Variants in CTTNBP2 observed in about 807,000 individuals in gnomAD.
CTTNBP2 encodes cortactin binding protein 2.
Under a neutral mutation model 156.9 loss-of-function variants are expected in CTTNBP2, and 108 were observed. The ratio of observed to expected loss-of-function variants is 0.69; its 90% CI spans 0.59 to 0.81. CTTNBP2 has a LOEUF of 0.81. Among genes scored for constraint, CTTNBP2 ranks in the 30% least tolerant of loss-of-function variants. The pLI, the probability that CTTNBP2 is intolerant of heterozygous loss-of-function variation, is 0.00. For missense variants in CTTNBP2, 1,924 were observed against 2,035.4 expected, an observed-to-expected ratio of 0.95 and a Z score of 1.05; for synonymous variants, 767 against 751.8, an observed-to-expected ratio of 1.02 and a Z score of -0.33.
intron 4 of CTTNBP2, chr7:117,786,237 T>C (rs1761210183): frequency 5.8e-6 from 1 of 173,780 alleles, no homozygotes; most frequent in Admixed American, 6.4e-5. Flanking sequence ...ATGAATAATT[T>C]ATTGTTTTTA....
At chr7:117,777,279 T>A (rs1225358006) in intron 8 of CTTNBP2, among the ~76,000 whole-genome samples, 1 of 152,246 alleles carries the variant, frequency 6.6e-6, no homozygotes, top group Non-Finnish European at 1.5e-5. Flanking sequence ...ATTGCCCTCA[T>A]ATTTCTTATT....
intron 11 of CTTNBP2, 95 bp from the exon 12 acceptor site, chr7:117,756,729 T>C: frequency 1.1e-6 from 1 of 890,598 alleles, no homozygotes. Context: ...ATGAATGTGT[T>C]TGTTGACTTA....
chr7:117,862,985 G>T (rs1237317268), intron 1 of CTTNBP2, among the ~76,000 whole-genome samples: 1 of 152,154 alleles, frequency 6.6e-6, no homozygotes, highest in African/African-American at 2.4e-5. Flanking sequence ...GATAAAAATG[G>T]TACCATCCTG....
intron 9 of CTTNBP2, among the ~76,000 whole-genome samples, chr7:117,764,988 T>G (rs1797405486): frequency 6.6e-6 from 1 of 152,166 alleles, no homozygotes; most frequent in African/African-American, 2.4e-5. Context: ...CAGGCTGGAG[T>G]GCAGTGGCGC....
intron 2 of CTTNBP2, 97 bp from the exon 3 acceptor site, chr7:117,811,086 T>A (rs1057038415): frequency 3.4e-5 from 30 of 884,040 alleles, no homozygotes; most frequent in Non-Finnish European, 5.2e-5. Context: ...CAAATGGTAT[T>A]CTCAACTGCT....
chr7:117,712,036 G>A (rs915517465), intron 22 of CTTNBP2, among the ~76,000 whole-genome samples: 1 of 152,126 alleles, frequency 6.6e-6, no homozygotes, highest in African/African-American at 2.4e-5. Context: ...CTAAGGCGTC[G>A]ATCTCCTTAC....
Position 117,791,214 on chromosome 7 carries a change from G to A in CTTNBP2, c.1982C>T (p.Thr661Ile). The change falls in exon 4 of 23, where the codon ACC (threonine) becomes ATC (isoleucine). Residue 661 changes from threonine (T) to isoleucine (I), a missense_variant. Thr to Ile is a moderately conservative substitution (Grantham distance 89). Coordinates refer to ENST00000160373, the MANE Select transcript of CTTNBP2 (RefSeq NM_033427.3). ...GTTTATGGAAGAGCAAAAGGCAATGGTGGTAGGAATGACAAGGGAACTGTC... is the reference window on the plus strand; with the variant it reads ...GTTTATGGAAGAGCAAAAGGCAATGATGGTAGGAATGACAAGGGAACTGTC... The part of the protein sequence containing the change: ...CSDSSLVIPT[T>I]IAFCSSINPV... 2.5e-6 allele frequency: 4 copies of A among 1,614,176 alleles called. No homozygotes were observed. The highest frequency in any genetic ancestry group is 2.5e-6 in the Non-Finnish European group (3 of 1,180,036).
At chr7:117,766,976 A>G (rs995453350) in intron 9 of CTTNBP2, 83 bp downstream of exon 9, 1 of 799,356 alleles carries the variant, frequency 1.3e-6, no homozygotes, top group Non-Finnish European at 2.2e-6. Context: ...GACATGCAAA[A>G]GATGTAAATA....
At chr7:117,736,587 C>T (rs750610348) in intron 14 of CTTNBP2, among the ~76,000 whole-genome samples, 3 of 152,104 alleles carry the variant, frequency 2.0e-5, no homozygotes, top group Admixed American at 6.5e-5. Context: ...TCATATTTTC[C>T]CATTCGTTTC....
intron 2 of CTTNBP2, among the ~76,000 whole-genome samples, chr7:117,821,542 T>C (rs1800966740): frequency 6.6e-6 from 1 of 152,134 alleles, no homozygotes; most frequent in Admixed American, 6.5e-5. Flanking sequence ...AACTCTTTGA[T>C]TATGGTATAT....
intron 4 of CTTNBP2, among the ~76,000 whole-genome samples, chr7:117,789,868 C>G (rs1377152356): frequency 6.6e-6 from 1 of 152,166 alleles, no homozygotes; most frequent in Non-Finnish European, 1.5e-5. Flanking sequence ...ATAGATCTAA[C>G]TTCCAAGTCC....
At chr7:117,862,171 C>T (rs1048598286) in intron 1 of CTTNBP2, among the ~76,000 whole-genome samples, 4 of 152,102 alleles carry the variant, frequency 2.6e-5, no homozygotes, top group African/African-American at 9.7e-5. Context: ...GGAACCCCTG[C>T]TGTTTGGTTA....
chr7:117,864,647 T>C (rs71544784), intron 1 of CTTNBP2, among the ~76,000 whole-genome samples: 119 of 146,116 alleles, frequency 8.1e-4, no homozygotes, highest in Non-Finnish European at 1.0e-3. Flanking sequence ...TATATTCATA[T>C]ATCTAGATGT....
intron 22 of CTTNBP2, among the ~76,000 whole-genome samples, chr7:117,713,036 C>G (rs1215439221): frequency 6.6e-6 from 1 of 152,156 alleles, no homozygotes; most frequent in Non-Finnish European, 1.5e-5. Context: ...ATTAGATTCT[C>G]ATAGTAGTAC....
At chr7:117,768,335 G>A (rs994650860) in intron 8 of CTTNBP2, among the ~76,000 whole-genome samples, 1 of 152,088 alleles carries the variant, frequency 6.6e-6, no homozygotes, top group African/African-American at 2.4e-5. Flanking sequence ...GCCAAGGCAG[G>A]TGGATCACTT....
At chr7:117,722,111 A>T (rs1794823812) in intron 19 of CTTNBP2, among the ~76,000 whole-genome samples, 1 of 152,230 alleles carries the variant, frequency 6.6e-6, no homozygotes, top group Admixed American at 6.5e-5. Context: ...ATTACTACAT[A>T]GCGCACAGCC....
At chr7:117,718,766 A>G (rs1051428164) in intron 21 of CTTNBP2, among the ~76,000 whole-genome samples, 1 of 152,212 alleles carries the variant, frequency 6.6e-6, no homozygotes, top group African/African-American at 2.4e-5. Flanking sequence ...ATTTGCAAAG[A>G]AAGTTGTTGC....
intron 3 of CTTNBP2, among the ~76,000 whole-genome samples, chr7:117,797,579 G>A (rs1305937348): frequency 6.6e-6 from 1 of 152,088 alleles, no homozygotes; most frequent in Non-Finnish European, 1.5e-5. Context: ...AGGGGAAGGG[G>A]AATCCTGGCA....
chr7:117,808,975 C>T (rs2116956690), intron 3 of CTTNBP2, among the ~76,000 whole-genome samples: 3 of 152,226 alleles, frequency 2.0e-5, no homozygotes, highest in Middle Eastern at 6.8e-3. Context: ...CAAAATGTAG[C>T]ACTCCCTGTC....
Sources: allele counts gnomAD v4.1 joint callset (sites outside exome capture counted in the v4.1 genomes callset), GRCh38; gene constraint gnomAD v4.1.1; transcripts MANE v1.5; gene names NCBI Gene and HGNC (gene_info 2026-07-23, HGNC 2026-07-21).